The following FGFR2 variants were observed in gnomAD, a reference collection of about 807,000 sequenced individuals.
FGFR2 encodes the protein BEK fibroblast growth factor receptor.
FGFR2 carries 19 observed loss-of-function variants against 95.9 expected under a neutral mutation model. That is an observed-to-expected ratio of 0.20 (90% confidence interval 0.14 to 0.29). The LOEUF (loss-of-function observed/expected upper bound fraction) is 0.29, where lower values mean the gene tolerates loss of function less well. FGFR2 is among the 10% of genes least tolerant of loss of function. The pLI, the probability that FGFR2 is intolerant of heterozygous loss-of-function variation, is 1.00. For synonymous variants in FGFR2, 392 were observed against 393.3 expected (o/e 1.00, Z 0.04); for missense variants, 707 against 1,056.9 (o/e 0.67, Z 4.59).
At chr10:121,548,255 T>C (rs1374893672) in intron 5 of FGFR2, among the ~76,000 whole-genome samples, 1 of 111,568 alleles carries the variant, frequency 9.0e-6, no homozygotes, top group Non-Finnish European at 1.6e-5. Flanking sequence ...CTTTTTTTTT[T>C]TTTTTTTTTT....
chr10:121,551,474 A>G lies in FGFR2; in HGVS notation c.455-15T>C, dbSNP rs2134844715. The stretch of plus-strand genomic sequence containing the variant: ...GTATGGTGCTCCTGTTTTGGAAAAC[A>G]GTATTAGAATGTATACTGATGGACA... On this transcript the variant is annotated splice_polypyrimidine_tract_variant and intron_variant, in intron 4 of 17. Transcript: ENST00000358487. 1.9e-6 allele frequency: 3 copies of G among 1,613,778 alleles called. No homozygotes were observed. Among genetic ancestry groups the G allele is most frequent in the African/African-American group, 1.3e-5 (1 of 75,034 alleles).
chr10:121,544,249 C>T (rs1251397053), intron 5 of FGFR2, among the ~76,000 whole-genome samples: 1 of 151,924 alleles, frequency 6.6e-6, no homozygotes, highest in Non-Finnish European at 1.5e-5. Context: ...AGATCGAGAC[C>T]AGCCTGACCA....
At chr10:121,587,987 C>T (rs1295383029) in intron 2 of FGFR2, among the ~76,000 whole-genome samples, 1 of 152,166 alleles carries the variant, frequency 6.6e-6, no homozygotes, top group East Asian at 1.9e-4. Context: ...GACATGGAAT[C>T]TACCTAAATG....
At chr10:121,546,040 CT>C (rs1365875125) in intron 5 of FGFR2, among the ~76,000 whole-genome samples, 1 of 152,102 alleles carries the variant, frequency 6.6e-6, no homozygotes. Context: ...TAAGAACCCC[CT>C]ATGCCTAAAT....
In FGFR2 at chr10:121,485,877, A is replaced by G. The variant is rs1845342632; in HGVS notation, c.2058-345T>C. Among the ~76,000 whole-genome samples, 1 of 152,196 alleles carries G rather than the reference A, an allele frequency of 6.6e-6. No homozygotes were observed. The highest frequency in any genetic ancestry group is 1.5e-5 in the Non-Finnish European group (1 of 68,034). ...TTCCAACTCCTTATGTGCCTGACCCAAGGGTTGTGATCTACCAGGATGGGC... is the reference window on the plus strand; with the variant it reads ...TTCCAACTCCTTATGTGCCTGACCCGAGGGTTGTGATCTACCAGGATGGGC... On this transcript the variant is annotated intron_variant, in intron 15 of 17. Coordinates refer to ENST00000358487, the MANE Select transcript of FGFR2 (RefSeq NM_000141.5). This position sits in a 1 kb window ranked among gnomAD's most constrained non-coding sequence, Gnocchi z 4.2.
At chr10:121,561,587 A>G (rs1337856210) in intron 4 of FGFR2, among the ~76,000 whole-genome samples, 1 of 152,106 alleles carries the variant, frequency 6.6e-6, no homozygotes, top group Non-Finnish European at 1.5e-5. Context: ...ATACAAAACA[A>G]TAATACTCCT....
intron 2 of FGFR2, among the ~76,000 whole-genome samples, chr10:121,589,520 T>C (rs915266863): frequency 1.3e-5 from 2 of 152,190 alleles, no homozygotes; most frequent in African/African-American, 2.4e-5. Flanking sequence ...TGCGGGGCCA[T>C]TGGCATAGTA....
intron 4 of FGFR2, among the ~76,000 whole-genome samples, chr10:121,559,275 A>G (rs1396809092): frequency 6.6e-6 from 1 of 152,222 alleles, no homozygotes; most frequent in Non-Finnish European, 1.5e-5. Context: ...ATCTGGACAC[A>G]TGAGTGTTTT....
chr10:121,597,829 A>G (rs1490068335), intron 1 of FGFR2, 133 bp downstream of exon 1: 1 of 357,100 alleles, frequency 2.8e-6, no homozygotes, highest in Non-Finnish European at 5.0e-6. Context: ...GAGGGAGGAC[A>G]CGGAGCGTCC....
chr10:121,580,451 C>A (rs1433948035), intron 2 of FGFR2, among the ~76,000 whole-genome samples: 7 of 119,138 alleles, frequency 5.9e-5, no homozygotes, highest in Admixed American at 5.8e-4. Flanking sequence ...TGAGGCTCAC[C>A]AAGTTCAGGC....
intron 6 of FGFR2, chr10:121,538,298 T>C (rs967123287): frequency 5.2e-6 from 4 of 772,040 alleles, no homozygotes; most frequent in Non-Finnish European, 9.6e-6. Flanking sequence ...CCAATTAACA[T>C]TTTCAGAGTA....
intron 9 of FGFR2, among the ~76,000 whole-genome samples, chr10:121,512,812 T>C (rs950767598): frequency 1.3e-5 from 2 of 152,202 alleles, no homozygotes; most frequent in Non-Finnish European, 2.9e-5. Context: ...GAAGGAACTC[T>C]GATGTTCCCT....
At chr10:121,494,373 T>C (rs561254204) in intron 13 of FGFR2, among the ~76,000 whole-genome samples, 84 of 152,236 alleles carry the variant, frequency 5.5e-4, no homozygotes, top group African/African-American at 1.9e-3. Flanking sequence ...ACCAAGGGCA[T>C]GAGACATCGG....
chr10:121,489,844 G>A (rs1218908855), intron 13 of FGFR2, among the ~76,000 whole-genome samples: 1 of 152,084 alleles, frequency 6.6e-6, no homozygotes, highest in Non-Finnish European at 1.5e-5. Context: ...CCCTCCCCCT[G>A]AGACTTCCAC....
chr10:121,496,194 A>AG (rs1554913771), intron 13 of FGFR2, among the ~76,000 whole-genome samples: 1 of 152,116 alleles, frequency 6.6e-6, no homozygotes, highest in African/African-American at 2.4e-5. Flanking sequence ...AGAAAAAAAA[A>AG]AAAGAAAGAA....
At chr10:121,553,986 G>A (rs773039395) in intron 4 of FGFR2, among the ~76,000 whole-genome samples, 2 of 152,196 alleles carry the variant, frequency 1.3e-5, no homozygotes, top group African/African-American at 2.4e-5. Context: ...TTGGTGCCTC[G>A]GGAGTGATTT....
chr10:121,534,390 C>T (rs1318226224), intron 6 of FGFR2, among the ~76,000 whole-genome samples: 2 of 150,252 alleles, frequency 1.3e-5, no homozygotes, highest in African/African-American at 4.9e-5. Context: ...AGCCACCGCG[C>T]CCGGCTTTCT....
chr10:121,537,598 A>G (rs1252287466), intron 6 of FGFR2, among the ~76,000 whole-genome samples: 4 of 152,212 alleles, frequency 2.6e-5, no homozygotes, highest in Admixed American at 2.6e-4. Flanking sequence ...TCGTTTACAG[A>G]GGCACAGTGG....
chr10:121,506,754 A>C (rs1270909792), intron 9 of FGFR2, among the ~76,000 whole-genome samples: 2 of 152,242 alleles, frequency 1.3e-5, no homozygotes, highest in Non-Finnish European at 2.9e-5. Context: ...TAAGAGACTT[A>C]GCAGTGATCA....
Sources: gnomAD v4.1 joint callset for allele counts (sites outside exome capture counted in the v4.1 genomes callset) on GRCh38, gnomAD v4.1.1 for gene constraint, Gnocchi (gnomAD v3.1) non-coding constraint, MANE v1.5 for transcripts, NCBI Gene and HGNC (gene_info 2026-07-23, HGNC 2026-07-21) for gene names.